The following FRMD4A variants were observed in gnomAD, a reference collection of about 807,000 sequenced individuals.
The protein encoded by FRMD4A is FERM domain-containing protein 4A.
In FRMD4A, 29 loss-of-function variants were observed where a neutral mutation model predicts 129.1. That is an observed-to-expected ratio of 0.22 (90% CI 0.17 to 0.31). The LOEUF is 0.31. Among genes scored for constraint, FRMD4A ranks in the 10% least tolerant of loss-of-function variants. The probability of loss-of-function intolerance (pLI) is 1.00; values close to 1 mark genes in which losing one functional copy is unlikely to be tolerated. For synonymous variants in FRMD4A, 634 were observed against 571.6 expected (o/e 1.11, Z -1.56); for missense variants, 1,272 against 1,375.8 (o/e 0.92, Z 1.19).
At chr10:14,310,745 T>C (rs1846520226) in intron 2 of FRMD4A, among the ~76,000 whole-genome samples, 1 of 152,166 alleles carries the variant, frequency 6.6e-6, no homozygotes, top group African/African-American at 2.4e-5. Context: ...TGGCACACCT[T>C]GTCCAACCAA....
chr10:13,706,106 GTCC>G (rs1399509272), intron 13 of FRMD4A, among the ~76,000 whole-genome samples: 1 of 152,108 alleles, frequency 6.6e-6, no homozygotes, highest in Non-Finnish European at 1.5e-5. Flanking sequence ...TTGGTGCCAA[GTCC>G]TCCTTCTAAG....
At chr10:14,304,181 T>C (rs932803979) in intron 2 of FRMD4A, among the ~76,000 whole-genome samples, 1 of 152,224 alleles carries the variant, frequency 6.6e-6, no homozygotes, top group African/African-American at 2.4e-5. Context: ...ATGGTAATTC[T>C]ATTTTTAAAT....
intron 2 of FRMD4A, among the ~76,000 whole-genome samples, chr10:14,231,905 C>CTT (rs1354724295): frequency 6.6e-6 from 1 of 152,086 alleles, no homozygotes; most frequent in East Asian, 1.9e-4. Flanking sequence ...TTGATAGTTT[C>CTT]TTTTTCTGTG....
intron 2 of FRMD4A, among the ~76,000 whole-genome samples, chr10:14,032,543 C>T (rs114287671): frequency 6.0e-4 from 92 of 152,318 alleles, no homozygotes; most frequent in African/African-American, 2.2e-3. Flanking sequence ...GCAAGTAGCG[C>T]TATCCACACC....
chr10:13,983,825 C>A (rs2095571033), intron 2 of FRMD4A, among the ~76,000 whole-genome samples: 3 of 149,736 alleles, frequency 2.0e-5, no homozygotes, highest in Admixed American at 6.6e-5. Context: ...TGTGGTGAAA[C>A]CTCGTCTCTA....
At chr10:13,834,025 C>T (rs937642618) in intron 3 of FRMD4A, among the ~76,000 whole-genome samples, 6 of 151,972 alleles carry the variant, frequency 3.9e-5, no homozygotes, top group African/African-American at 1.2e-4. Flanking sequence ...TGGGAGGCCA[C>T]GGGGGAGGTG....
At position 13,659,401 on chromosome 10, in the gene FRMD4A, G is replaced by A. The variant is rs1195988889; in HGVS notation, c.1988C>T (p.Pro663Leu). The change falls in exon 21 of 25, where the codon CCG (proline) becomes CTG (leucine). Residue 663 changes from proline to leucine, a missense_variant. Coordinates refer to ENST00000357447, the MANE Select transcript of FRMD4A (RefSeq NM_018027.5). ...SLQNSPIRGL[P>L]HWNSQSSMPS... ...CATGCTGGACTGGGAGTTCCAGTGCGGGAGGCCGCGGATGGGGCTGTTCTG... is the reference window on the plus strand; with the variant it reads ...CATGCTGGACTGGGAGTTCCAGTGCAGGAGGCCGCGGATGGGGCTGTTCTG... 3.7e-6 allele frequency: 6 copies of A among 1,613,924 alleles called. No individual in the cohort carries two copies. Among genetic ancestry groups the A allele is most frequent in the African/African-American group, 2.7e-5 (2 of 74,924 alleles).
chr10:14,156,361 A>G (rs1840601546), intron 2 of FRMD4A, among the ~76,000 whole-genome samples: 1 of 152,236 alleles, frequency 6.6e-6, no homozygotes, highest in South Asian at 2.1e-4. Context: ...CACCCATGTC[A>G]GTGACTCTCA....
chr10:13,707,431 T>C (rs1399823504), intron 12 of FRMD4A: 24 of 1,059,852 alleles, frequency 2.3e-5, no homozygotes, highest in Middle Eastern at 4.4e-4. Flanking sequence ...TTGGCAGACT[T>C]TTCCCTTCCA....
chr10:13,674,043 C>A (rs1366251208), intron 16 of FRMD4A, among the ~76,000 whole-genome samples: 1 of 152,132 alleles, frequency 6.6e-6, no homozygotes, highest in Non-Finnish European at 1.5e-5. Flanking sequence ...GCTAGTATTA[C>A]AGGCATGAGC....
rs1324164835 is a variant in FRMD4A at position 13,645,099 on chromosome 10, C to G, written c.*1939G>C. On this transcript the variant is annotated 3_prime_UTR_variant, in exon 25 of 25. Coordinates refer to ENST00000357447, the MANE Select transcript of FRMD4A (RefSeq NM_018027.5). ...GGTGTGTGTGTGCCCCAGCTCGACTCTCGGTGGTCTCCAGGCTGCAGCAGA... is the reference window on the plus strand; with the variant it reads ...GGTGTGTGTGTGCCCCAGCTCGACTGTCGGTGGTCTCCAGGCTGCAGCAGA... 1 of 152,312 alleles carries G rather than the reference C, an allele frequency of 6.6e-6. No homozygotes were observed. Among genetic ancestry groups the G allele is most frequent in the Admixed American group, 6.5e-5 (1 of 15,286 alleles). The allele number at this position is 152,312 out of a possible 1,614,324, so 9.4% of individuals were successfully genotyped here. A position where few individuals can be genotyped will look rare whatever the true frequency, so the allele number is the denominator to read the frequency against.
chr10:14,316,458 G>T (rs904286657), intron 2 of FRMD4A, among the ~76,000 whole-genome samples: 2 of 132,924 alleles, frequency 1.5e-5, no homozygotes, highest in South Asian at 2.6e-4. Flanking sequence ...TGAAAAAATA[G>T]ATTTATGTTC....
At chr10:13,975,647 C>G (rs1357894101) in intron 2 of FRMD4A, among the ~76,000 whole-genome samples, 1 of 150,824 alleles carries the variant, frequency 6.6e-6, no homozygotes. Flanking sequence ...GTGTGAATCT[C>G]TATGTGTGTT....
Position 13,646,240 on chromosome 10 carries a change from T to C in FRMD4A, c.*798A>G, listed in dbSNP as rs2081108178. On this transcript the variant is annotated 3_prime_UTR_variant, in exon 25 of 25. Transcript: ENST00000357447. ...TTTACATAGGGTTGACTTTCACTTGTGTGTAGTAGCAGTTCAGAATTTAAA... is the reference window on the plus strand; with the variant it reads ...TTTACATAGGGTTGACTTTCACTTGCGTGTAGTAGCAGTTCAGAATTTAAA... 6.6e-6 allele frequency: 1 copy of C among 152,654 alleles called. No individual in the cohort carries two copies. The highest frequency in any genetic ancestry group is 2.1e-4 in the South Asian group (1 of 4,828). 9.5% of individuals were successfully genotyped at this position (152,654 alleles called of 1,614,324 possible).
At chr10:13,763,358 G>C (rs2092152146) in intron 6 of FRMD4A, among the ~76,000 whole-genome samples, 1 of 152,136 alleles carries the variant, frequency 6.6e-6, no homozygotes, top group Admixed American at 6.5e-5. Flanking sequence ...TTTTTTGAAA[G>C]GAATGTTACA....
intron 3 of FRMD4A, among the ~76,000 whole-genome samples, chr10:13,835,031 AG>A (rs978066006): frequency 2.0e-5 from 3 of 152,218 alleles, no homozygotes; most frequent in African/African-American, 7.2e-5. Context: ...TGAGGCTGCC[AG>A]GGGGTGGCCG....
chr10:13,684,935 A>T (rs956913184), intron 15 of FRMD4A: 2 of 985,120 alleles, frequency 2.0e-6, no homozygotes, highest in African/African-American at 1.7e-5. Flanking sequence ...TGTAAGGAAA[A>T]GTTTTGGCAG....
At chr10:13,717,553 A>T (rs1446866180) in intron 12 of FRMD4A, among the ~76,000 whole-genome samples, 1 of 150,896 alleles carries the variant, frequency 6.6e-6, no homozygotes, top group Non-Finnish European at 1.5e-5. Flanking sequence ...ACTTCAAGTG[A>T]TCTGCCTGCC....
intron 2 of FRMD4A, among the ~76,000 whole-genome samples, chr10:13,966,128 T>C (rs1334489698): frequency 6.6e-6 from 1 of 152,094 alleles, no homozygotes; most frequent in East Asian, 1.9e-4. Flanking sequence ...CAAGCGATTC[T>C]CCTGCCTCAG....
Sources: allele counts gnomAD v4.1 joint callset (sites outside exome capture counted in the v4.1 genomes callset), GRCh38; gene constraint gnomAD v4.1.1; transcripts MANE v1.5; gene names NCBI Gene and HGNC (gene_info 2026-07-23, HGNC 2026-07-21).